PTCD2: variants seen among roughly 807,000 people sequenced by gnomAD.
PTCD2 encodes pentatricopeptide repeat domain 2.
A neutral mutation model predicts 42.6 loss-of-function variants in PTCD2; 31 were observed. That is an observed-to-expected ratio of 0.73 (90% CI 0.55 to 0.98). The LOEUF (loss-of-function observed/expected upper bound fraction) is 0.98. Among genes scored for constraint, PTCD2 ranks in the 50% least tolerant of loss-of-function variants. PTCD2 has a pLI of 0.00. For missense variants in PTCD2, 476 were observed against 454.8 expected, an observed-to-expected ratio of 1.05 and a Z score of -0.42; for synonymous variants, 183 against 170.9, an observed-to-expected ratio of 1.07 and a Z score of -0.55.
intron 8 of PTCD2, among the ~76,000 whole-genome samples, chr5:72,344,077 G>A (rs1029712100): frequency 2.0e-5 from 3 of 151,842 alleles, no homozygotes; most frequent in South Asian, 2.1e-4. Context: ...CGGGTTGGCC[G>A]GCAGGAGCAA....
chr5:72,340,999 C>T (rs1752026860), intron 7 of PTCD2, among the ~76,000 whole-genome samples: 1 of 146,484 alleles, frequency 6.8e-6, no homozygotes, highest in Admixed American at 6.9e-5. Context: ...GAGTCTCACT[C>T]TGTCTCCCAA....
chr5:72,329,218 C>G (rs1181225728), intron 3 of PTCD2, among the ~76,000 whole-genome samples: 2 of 152,196 alleles, frequency 1.3e-5, no homozygotes, highest in East Asian at 3.8e-4. Context: ...AGTTGCTGAC[C>G]TTTTCCCTCT....
chr5:72,357,999 T>G (rs1394621018), intron 9 of PTCD2, among the ~76,000 whole-genome samples: 1 of 152,166 alleles, frequency 6.6e-6, no homozygotes, highest in African/African-American at 2.4e-5. Flanking sequence ...AAAGTCTCAC[T>G]GTGTTGCCTA....
At chr5:72,326,434 C>G (rs966770697) in intron 2 of PTCD2, among the ~76,000 whole-genome samples, 178 bp from the exon 3 acceptor site, 9 of 152,174 alleles carry the variant, frequency 5.9e-5, no homozygotes, top group Non-Finnish European at 8.8e-5. Flanking sequence ...GTGACAGATG[C>G]CATCTGCTGA....
At chr5:72,324,209 T>A (rs1242157278) in intron 2 of PTCD2, among the ~76,000 whole-genome samples, 2 of 152,210 alleles carry the variant, frequency 1.3e-5, no homozygotes, top group Non-Finnish European at 2.9e-5. Context: ...ATAGTCTTCA[T>A]AAGTCTGTGG....
At chr5:72,340,495 T>C (rs1187693082) in intron 7 of PTCD2, among the ~76,000 whole-genome samples, 1 of 152,208 alleles carries the variant, frequency 6.6e-6, no homozygotes, top group Non-Finnish European at 1.5e-5. Flanking sequence ...CATTGCTTCA[T>C]TGTCCAGGCA....
rs183269186 is a variant in PTCD2, at chr5:72,364,070, G to T, written c.*5643G>T. The T allele has an allele frequency of 6.6e-6, 1 of 152,248 alleles. No homozygotes were observed. Among genetic ancestry groups the T allele is most frequent in the East Asian group, 1.9e-4 (1 of 5,184 alleles). The allele number at this position is 152,248 out of a possible 1,614,324, so 9.4% of individuals were successfully genotyped here. ...GGTTGCACAAAAATAAAAGTGAAAT[G>T]GTATTTTTTAAAAGGAAGTGGTTCA... On this transcript the variant is annotated 3_prime_UTR_variant, in exon 10 of 10. Transcript: ENST00000380639.
intron 7 of PTCD2, among the ~76,000 whole-genome samples, chr5:72,342,640 A>T (rs1320001216): frequency 6.6e-6 from 1 of 152,278 alleles, no homozygotes; most frequent in East Asian, 1.9e-4. Flanking sequence ...TGTTCTAATT[A>T]TGTATGTCAA....
chr5:72,356,038 A>G (rs548652471), intron 9 of PTCD2, among the ~76,000 whole-genome samples: 5 of 152,308 alleles, frequency 3.3e-5, no homozygotes, highest in African/African-American at 1.2e-4. Context: ...CTAACTGGAT[A>G]TGGTTGATTT....
intron 3 of PTCD2, among the ~76,000 whole-genome samples, chr5:72,328,070 G>A (rs1751240991): frequency 6.6e-6 from 1 of 152,178 alleles, no homozygotes; most frequent in East Asian, 1.9e-4. Context: ...GTAGAGAGAA[G>A]TAATATGTCA....
rs1753236655 is a variant in PTCD2, at chr5:72,367,825, A to G, written c.*9398A>G. On this transcript the variant is annotated 3_prime_UTR_variant, in exon 10 of 10. Coordinates refer to ENST00000380639, the MANE Select transcript of PTCD2 (RefSeq NM_024754.5). The stretch of plus-strand genomic sequence containing the variant: ...GGAGGCAGGGTATCACCCAGGCACA[A>G]CGCCCACTTTGCAAGTAAATAATCA... The G allele has an allele frequency of 6.6e-6, 1 of 152,220 alleles. No homozygotes were observed. Among genetic ancestry groups the G allele is most frequent in the Admixed American group, 6.5e-5 (1 of 15,284 alleles). The allele number at this position is 152,220 out of a possible 1,614,324, so 9.4% of individuals were successfully genotyped here. A position where few individuals can be genotyped will look rare whatever the true frequency, so the allele number is the denominator to read the frequency against.
Position 72,367,584 on chromosome 5 carries a change from C to G in PTCD2, c.*9157C>G, listed in dbSNP as rs1753232819. 6.6e-6 allele frequency: 1 copy of G among 152,168 alleles called. No individual in the cohort carries two copies. Among genetic ancestry groups the G allele is most frequent in the Non-Finnish European group, 1.5e-5 (1 of 68,028 alleles). 9.4% of individuals were successfully genotyped at this position (152,168 alleles called of 1,614,324 possible). A position where few individuals can be genotyped will look rare whatever the true frequency, so the allele number is the denominator to read the frequency against. ...GGGGAAAATCCTATTGTACATATTC[C>G]TTACATAATGTCTGTGATTTACCTC... On this transcript the variant is annotated 3_prime_UTR_variant, in exon 10 of 10. Coordinates refer to ENST00000380639, the MANE Select transcript of PTCD2 (RefSeq NM_024754.5).
chr5:72,337,534 A>G (rs1751814691), intron 6 of PTCD2, among the ~76,000 whole-genome samples: 1 of 152,122 alleles, frequency 6.6e-6, no homozygotes, highest in African/African-American at 2.4e-5. Context: ...AGTGGCTCAC[A>G]CCTGTAATCC....
intron 8 of PTCD2, among the ~76,000 whole-genome samples, chr5:72,351,753 A>C (rs984598354): frequency 1.3e-5 from 2 of 152,056 alleles, no homozygotes; most frequent in Non-Finnish European, 2.9e-5. Flanking sequence ...CCATGATCCA[A>C]TCACCTCCCA....
chr5:72,337,167 A>G (rs1269466562), intron 6 of PTCD2, among the ~76,000 whole-genome samples: 1 of 152,114 alleles, frequency 6.6e-6, no homozygotes, highest in Non-Finnish European at 1.5e-5. Flanking sequence ...TTTTTTTATG[A>G]AAAGCTAGAT....
intron 3 of PTCD2, 63 bp from the exon 4 acceptor site, chr5:72,331,195 G>A: frequency 2.9e-6 from 3 of 1,041,686 alleles, no homozygotes; most frequent in South Asian, 2.5e-5. Context: ...ACCTGCCATA[G>A]TCTGTGTCTG....
chr5:72,326,776 C>T (rs771253877), intron 3 of PTCD2, 35 bp downstream of exon 3: 6 of 1,607,058 alleles, frequency 3.7e-6, no homozygotes, highest in Non-Finnish European at 5.1e-6. Flanking sequence ...CCACCCTTAT[C>T]CCTTCTTACT....
intron 8 of PTCD2, among the ~76,000 whole-genome samples, chr5:72,344,617 G>A (rs1309917556): frequency 6.6e-6 from 1 of 152,144 alleles, no homozygotes; most frequent in Non-Finnish European, 1.5e-5. Context: ...ATCTGAAACA[G>A]TAATAGTTAT....
rs375364003 is a variant in PTCD2 at position 72,335,115 on chromosome 5, A to G, written c.547+19A>G. The stretch of plus-strand genomic sequence containing the variant: ...TATAAAAGTAAGTACTGCAATTTCT[A>G]TTTGCTGAAAAATTCTGCCATGTTT... On this transcript the variant is annotated intron_variant, in intron 5 of 9. Coordinates refer to ENST00000380639, the MANE Select transcript of PTCD2 (RefSeq NM_024754.5). 1.3e-5 allele frequency: 18 copies of G among 1,378,326 alleles called. 1 individual carries two copies. Among genetic ancestry groups the G allele is most frequent in the South Asian group, 2.4e-5 (2 of 84,392 alleles). The allele number at this position is 1,378,326 out of a possible 1,614,324, so 85.4% of individuals were successfully genotyped here. A position where few individuals can be genotyped will look rare whatever the true frequency, so the allele number is the denominator to read the frequency against.
Sources: allele counts gnomAD v4.1 joint callset (sites outside exome capture counted in the v4.1 genomes callset), GRCh38; gene constraint gnomAD v4.1.1; transcripts MANE v1.5; gene names NCBI Gene and HGNC (gene_info 2026-07-23, HGNC 2026-07-21).